The following CACNB2 variants were observed in gnomAD, a reference collection of about 807,000 sequenced individuals.
The protein encoded by CACNB2 is calcium voltage-gated channel auxiliary subunit beta 2.
In CACNB2, 42 loss-of-function variants were observed where a neutral mutation model predicts 73.3. That is an observed-to-expected ratio of 0.57 (90% CI 0.45 to 0.74). The LOEUF is 0.74. Among genes scored for constraint, CACNB2 ranks in the 30% least tolerant of loss-of-function variants. The pLI is 0.00. For missense variants in CACNB2, 940 were observed against 853.0 expected, an observed-to-expected ratio of 1.10 and a Z score of -1.27; for synonymous variants, 348 against 310.3, an observed-to-expected ratio of 1.12 and a Z score of -1.28.
chr10:18,512,918 C>A (rs1446985878), intron 6 of CACNB2, among the ~76,000 whole-genome samples: 1 of 152,116 alleles, frequency 6.6e-6, no homozygotes, highest in Non-Finnish European at 1.5e-5. Flanking sequence ...TGATGTGCAG[C>A]CAGGCGTTGT....
Position 18,539,321 on chromosome 10 carries a change from A to C in CACNB2, c.1580A>C (p.Lys527Thr), listed in dbSNP as rs771565696. The C allele has an allele frequency of 3.7e-6, 6 of 1,613,890 alleles. No individual in the cohort carries two copies. The highest frequency in any genetic ancestry group is 2.7e-5 in the African/African-American group (2 of 74,872). ...EEEPSVEPVK[K>T]SQHRSSSSAP... The stretch of plus-strand genomic sequence containing the variant: ...GAACCTAGTGTGGAACCAGTCAAGA[A>C]ATCCCAGCACCGCTCTTCCTCCTCA... Residue 527 changes from lysine (K) to threonine (T), a missense_variant, in exon 14 of 14, where the codon AAA (lysine) becomes ACA (threonine). Lys to Thr is a moderately conservative substitution (Grantham distance 78). Coordinates refer to ENST00000324631, the MANE Select transcript of CACNB2 (RefSeq NM_201596.3).
At chr10:18,444,440 G>A (rs1169698523) in intron 3 of CACNB2, among the ~76,000 whole-genome samples, 1 of 152,140 alleles carries the variant, frequency 6.6e-6, no homozygotes, top group Non-Finnish European at 1.5e-5. Flanking sequence ...TATACAAAGA[G>A]CTTACCATTG....
chr10:18,305,576 A>T (rs757661114), intron 2 of CACNB2, among the ~76,000 whole-genome samples: 3 of 152,230 alleles, frequency 2.0e-5, no homozygotes, highest in African/African-American at 7.2e-5. Context: ...TGTAATAGCC[A>T]TTTATATCAA....
chr10:18,365,329 T>C (rs1365247756), intron 2 of CACNB2, among the ~76,000 whole-genome samples: 2 of 152,228 alleles, frequency 1.3e-5, no homozygotes, highest in African/African-American at 2.4e-5. Context: ...GAGGACAATA[T>C]AGAGATTCTT....
chr10:18,285,565 C>G (rs2038750880), intron 2 of CACNB2, among the ~76,000 whole-genome samples: 1 of 152,182 alleles, frequency 6.6e-6, no homozygotes, highest in Non-Finnish European at 1.5e-5. Context: ...TGTCAGAGTC[C>G]TCAAATGAAA....
intron 2 of CACNB2, among the ~76,000 whole-genome samples, chr10:18,358,551 TCG>T (rs1161201287): frequency 0.038 from 859 of 22,662 alleles, 51 homozygotes; most frequent in South Asian, 0.087. Flanking sequence ...TCTCTCTCTC[TCG>T]CTCTCTCTCT....
At chr10:18,207,550 T>A (rs1226103139) in intron 2 of CACNB2, among the ~76,000 whole-genome samples, 1 of 152,242 alleles carries the variant, frequency 6.6e-6, no homozygotes, top group Non-Finnish European at 1.5e-5. Context: ...TAAGCATTAC[T>A]AGAATGTTAC....
At chr10:18,421,294 T>G (rs1420665780) in intron 3 of CACNB2, among the ~76,000 whole-genome samples, 3 of 151,140 alleles carry the variant, frequency 2.0e-5, no homozygotes, top group East Asian at 1.9e-4. Flanking sequence ...GTTTTTTTTG[T>G]TTTTTTGTTT....
chr10:18,215,143 G>A (rs1349364660), intron 2 of CACNB2, among the ~76,000 whole-genome samples: 1 of 152,044 alleles, frequency 6.6e-6, no homozygotes, highest in Non-Finnish European at 1.5e-5. Context: ...GGTATTCATG[G>A]GGGCAGTGAC....
intron 2 of CACNB2, among the ~76,000 whole-genome samples, chr10:18,333,145 T>A (rs568056433): frequency 3.3e-5 from 5 of 152,186 alleles, no homozygotes; most frequent in African/African-American, 1.2e-4. Flanking sequence ...GCGATAGGGA[T>A]GGGGGGATGG....
At chr10:18,304,527 T>TC (rs397736400) in intron 2 of CACNB2, among the ~76,000 whole-genome samples, 11 of 152,018 alleles carry the variant, frequency 7.2e-5, no homozygotes, top group African/African-American at 2.7e-4. Context: ...CATTTTTTTT[T>TC]CCCAATGTAA....
intron 3 of CACNB2, among the ~76,000 whole-genome samples, chr10:18,431,787 T>C (rs2045902568): frequency 6.6e-6 from 1 of 151,832 alleles, no homozygotes; most frequent in African/African-American, 2.4e-5. Context: ...TTTTTTGAGA[T>C]GGAGTCTCGC....
chr10:18,294,601 T>A (rs1265857238), intron 2 of CACNB2, among the ~76,000 whole-genome samples: 1 of 152,202 alleles, frequency 6.6e-6, no homozygotes, highest in Non-Finnish European at 1.5e-5. Flanking sequence ...TGAGAGGTGG[T>A]GTTGCCAATT....
chr10:18,318,493 T>C (rs1227624154), intron 2 of CACNB2, among the ~76,000 whole-genome samples: 1 of 152,184 alleles, frequency 6.6e-6, no homozygotes, highest in Non-Finnish European at 1.5e-5. Flanking sequence ...ATTAAAGACT[T>C]AAATGTAAAA....
At chr10:18,424,844 A>C (rs895581149) in intron 3 of CACNB2, among the ~76,000 whole-genome samples, 1 of 152,136 alleles carries the variant, frequency 6.6e-6, no homozygotes, top group African/African-American at 2.4e-5. Flanking sequence ...CCAGTAGGGG[A>C]TGTGGCACAA....
chr10:18,192,722 T>C lies in CACNB2; in HGVS notation c.213+41747T>C, dbSNP rs141118240. Among the ~76,000 whole-genome samples the C allele has an allele frequency of 2.5e-3, 377 of 152,360 alleles. 2 individuals are homozygous for C. The highest frequency in any genetic ancestry group is 2.7e-3 in the Non-Finnish European group (185 of 68,034). On this transcript the variant is annotated intron_variant, in intron 2 of 13. Transcript: ENST00000324631. The stretch of plus-strand genomic sequence containing the variant: ...ATTTATTTATCCTGGGTATTTCATA[T>C]AAATGAAATTAGACAACATGTAACC...
chr10:18,340,925 G>A lies in CACNB2; in HGVS notation c.214-60999G>A, dbSNP rs764008396. ...GCTGGGCGCACTTGGAATTGGTCTA[G>A]CATGCTTGACAGACGCCTTATAGCT... On this transcript the variant is annotated intron_variant, in intron 2 of 13. Coordinates refer to ENST00000324631, the MANE Select transcript of CACNB2 (RefSeq NM_201596.3). The A allele has an allele frequency of 1.5e-5, 24 of 1,614,044 alleles. No homozygotes were observed. Among genetic ancestry groups the A allele is most frequent in the Non-Finnish European group, 1.7e-5 (20 of 1,180,026 alleles).
At chr10:18,243,508 C>G (rs1392533267) in intron 2 of CACNB2, among the ~76,000 whole-genome samples, 1 of 152,188 alleles carries the variant, frequency 6.6e-6, no homozygotes, top group Non-Finnish European at 1.5e-5. Context: ...CCTCCCAAAA[C>G]TCATGTTGAA....
chr10:18,348,355 A>G (rs956227929), intron 2 of CACNB2, among the ~76,000 whole-genome samples: 1 of 152,226 alleles, frequency 6.6e-6, no homozygotes, highest in Admixed American at 6.5e-5. Flanking sequence ...TGTCTCTTTA[A>G]AATGATTTAA....
Sources: gnomAD v4.1 joint callset for allele counts (sites outside exome capture counted in the v4.1 genomes callset) on GRCh38, gnomAD v4.1.1 for gene constraint, MANE v1.5 for transcripts, NCBI Gene and HGNC (gene_info 2026-07-23, HGNC 2026-07-21) for gene names.